PPM1H: variants seen among roughly 807,000 people sequenced by gnomAD.
The protein encoded by PPM1H is protein phosphatase 1H.
A neutral mutation model predicts 54.9 loss-of-function variants in PPM1H; 27 were observed. That is an observed-to-expected ratio of 0.49 (90% CI 0.36 to 0.68). PPM1H has a LOEUF of 0.68. Ranked by LOEUF, PPM1H falls within the 30% of genes least tolerant of loss-of-function variation. The pLI, the probability that PPM1H is intolerant of heterozygous loss-of-function variation, is 0.00. For synonymous variants in PPM1H, 305 were observed against 270.8 expected, an observed-to-expected ratio of 1.13 and a Z score of -1.24; for missense variants, 596 against 667.8, an observed-to-expected ratio of 0.89 and a Z score of 1.19.
In PPM1H at chr12:62,801,908, G is replaced by A. The variant is rs1372034741; in HGVS notation, c.664C>T (p.Pro222Ser). ...LRGGVGAPGSPSTPPTRFFTE... is the reference protein window; with the variant it reads ...LRGGVGAPGSSSTPPTRFFTE... ...AAGAAGCGTGTGGGGGGCGTGCTGG[G>A]GGAGCCCGGGGCCCCCACCCCTCCG... The change falls in exon 3 of 10, where the codon CCC becomes TCC. Residue 222 changes from proline (P) to serine (S), a missense_variant. This residue lies in a region of PPM1H where 382 missense variants were observed against 387.1 expected (regional missense o/e 0.99). Coordinates refer to ENST00000228705, the MANE Select transcript of PPM1H (RefSeq NM_020700.2). The A allele has an allele frequency of 1.2e-6, 2 of 1,613,580 alleles. No homozygotes were observed. Among genetic ancestry groups the A allele is most frequent in the Admixed American group, 3.3e-5 (2 of 59,988 alleles).
At chr12:62,671,729 C>A (rs2075957949) in intron 8 of PPM1H, among the ~76,000 whole-genome samples, 1 of 152,166 alleles carries the variant, frequency 6.6e-6, no homozygotes, top group Admixed American at 6.5e-5. Flanking sequence ...TCCCTTCTTG[C>A]ACCTCCCCAA....
intron 4 of PPM1H, among the ~76,000 whole-genome samples, chr12:62,782,776 T>C (rs1418827438): frequency 2.6e-5 from 4 of 152,142 alleles, no homozygotes; most frequent in African/African-American, 9.7e-5. Flanking sequence ...AATCAGAAAA[T>C]GCTTATATTA....
chr12:62,915,355 T>C (rs1288025040), intron 1 of PPM1H, among the ~76,000 whole-genome samples: 2 of 152,242 alleles, frequency 1.3e-5, no homozygotes, highest in African/African-American at 2.4e-5. Context: ...GGAGTTCTGC[T>C]GTCTGCTCCA....
intron 6 of PPM1H, among the ~76,000 whole-genome samples, chr12:62,697,487 C>T (rs1234181185): frequency 6.6e-6 from 1 of 152,156 alleles, no homozygotes; most frequent in Non-Finnish European, 1.5e-5. Flanking sequence ...AGAGAACAGA[C>T]TTTCCTCAAA....
At chr12:62,883,431 C>T (rs1031865935) in intron 1 of PPM1H, among the ~76,000 whole-genome samples, 1 of 152,128 alleles carries the variant, frequency 6.6e-6, no homozygotes, top group African/African-American at 2.4e-5. Flanking sequence ...TTTGAAGCTT[C>T]TCATGAAGTA....
At chr12:62,910,997 T>C (rs1871441828) in intron 1 of PPM1H, among the ~76,000 whole-genome samples, 1 of 152,134 alleles carries the variant, frequency 6.6e-6, no homozygotes, top group South Asian at 2.1e-4. Flanking sequence ...CTCCGCAAAC[T>C]GGGAACAAAA....
In PPM1H at chr12:62,802,125, C is replaced by T. The variant is rs1356443361; in HGVS notation, c.447G>A (p.Leu149=). ...SEGVSCHYWS[L]FDGHAGSGAA... ...CCCCGGACCCCGCGTGCCCGTCAAA[C>T]AGCGACCAATAGTGGCAGGAAACAC... The change falls in exon 3 of 10, where the codon CTG becomes CTA. Residue 149 remains leucine, a synonymous_variant. Transcript: ENST00000228705. 3.1e-6 allele frequency: 5 copies of T among 1,589,196 alleles called. No individual in the cohort carries two copies. The highest frequency in any genetic ancestry group is 3.4e-6 in the Non-Finnish European group (4 of 1,166,714).
At chr12:62,876,925 A>G (rs144743916) in intron 1 of PPM1H, among the ~76,000 whole-genome samples, 1 of 152,204 alleles carries the variant, frequency 6.6e-6, no homozygotes, top group Non-Finnish European at 1.5e-5. Flanking sequence ...ACACACCCAC[A>G]TTATGGCTTT....
chr12:62,801,682 T>G, intron 3 of PPM1H, 134 bp downstream of exon 3: 1 of 943,018 alleles, frequency 1.1e-6, no homozygotes, highest in Non-Finnish European at 1.6e-6. Flanking sequence ...GGAAGCCCCA[T>G]TATCACAGGG....
chr12:62,882,172 A>T (rs997014692), intron 1 of PPM1H, among the ~76,000 whole-genome samples: 2 of 152,378 alleles, frequency 1.3e-5, no homozygotes, highest in African/African-American at 4.8e-5. Context: ...AACTCTGTGT[A>T]TTGAAACTCT....
chr12:62,768,654 CA>C (rs11318247), intron 4 of PPM1H, among the ~76,000 whole-genome samples: 54,879 of 150,186 alleles, frequency 0.37, 11,370 homozygotes, highest in African/African-American at 0.56. Flanking sequence ...GACTCTGTCT[CA>C]AAAAAAAAGA....
At chr12:62,919,678 A>G (rs1280793974) in intron 1 of PPM1H, among the ~76,000 whole-genome samples, 1 of 152,152 alleles carries the variant, frequency 6.6e-6, no homozygotes, top group African/African-American at 2.4e-5. Flanking sequence ...GAAATAATAA[A>G]AGGGCTCATG....
In PPM1H at chr12:62,908,095, G is replaced by A. The variant is rs115568753; in HGVS notation, c.245+26397C>T. On this transcript the variant is annotated intron_variant, in intron 1 of 9. Transcript: ENST00000228705. Reference sequence around the variant, plus strand: ...TATTGACTTGTTTACAATCAAAATCGTGCATGCATGACAGGTCATTAGAAA... The same window carrying A: ...TATTGACTTGTTTACAATCAAAATCATGCATGCATGACAGGTCATTAGAAA... Among the ~76,000 whole-genome samples, 744 of 152,254 alleles carry A rather than the reference G, an allele frequency of 4.9e-3. 4 individuals carry two copies. Among genetic ancestry groups the A allele is most frequent in the African/African-American group, 0.017 (707 of 41,542 alleles).
intron 1 of PPM1H, among the ~76,000 whole-genome samples, chr12:62,895,150 C>T (rs751877781): frequency 4.6e-5 from 7 of 152,172 alleles, no homozygotes; most frequent in Non-Finnish European, 1.0e-4. Context: ...GCGGGGCATC[C>T]CCAGAGCAGT....
chr12:62,644,778 T>A lies in PPM1H; in HGVS notation c.*3711A>T, dbSNP rs2075775999. On this transcript the variant is annotated 3_prime_UTR_variant, in exon 10 of 10. Coordinates refer to ENST00000228705, the MANE Select transcript of PPM1H (RefSeq NM_020700.2). ...ATTGTTAAGTCTTCAAAAATCTGAGTTCCTCACATAAAATTCTGTGCTGTG... is the reference window on the plus strand; with the variant it reads ...ATTGTTAAGTCTTCAAAAATCTGAGATCCTCACATAAAATTCTGTGCTGTG... The A allele has an allele frequency of 6.6e-6, 1 of 152,210 alleles. No homozygotes were observed. The highest frequency in any genetic ancestry group is 6.5e-5 in the Admixed American group (1 of 15,282). 9.4% of individuals were successfully genotyped at this position (152,210 alleles called of 1,614,324 possible). A position where few individuals can be genotyped will look rare whatever the true frequency, so the allele number is the denominator to read the frequency against.
intron 2 of PPM1H, among the ~76,000 whole-genome samples, chr12:62,802,381 A>G (rs1286847371): frequency 2.0e-5 from 3 of 152,278 alleles, no homozygotes; most frequent in African/African-American, 7.2e-5. Flanking sequence ...TGTTGTTACT[A>G]GCACCAGAAG....
intron 4 of PPM1H, among the ~76,000 whole-genome samples, chr12:62,754,513 G>C (rs2076459279): frequency 6.6e-6 from 1 of 152,186 alleles, no homozygotes; most frequent in African/African-American, 2.4e-5. Flanking sequence ...GTTGCAGTGA[G>C]CCAAGATCAA....
intron 4 of PPM1H, chr12:62,756,190 AC>A: frequency 3.4e-6 from 3 of 870,456 alleles, no homozygotes; most frequent in Non-Finnish European, 5.7e-6. Context: ...GGCTACAGCA[AC>A]AGGGTGGTGG....
chr12:62,897,516 T>C (rs565955239), intron 1 of PPM1H, among the ~76,000 whole-genome samples: 1 of 152,208 alleles, frequency 6.6e-6, no homozygotes, highest in East Asian at 1.9e-4. Flanking sequence ...ATTAAGACAA[T>C]ACAATGTCTA....
Sources: allele counts gnomAD v4.1 joint callset (sites outside exome capture counted in the v4.1 genomes callset), GRCh38; gene constraint gnomAD v4.1.1; regional missense constraint gnomAD v4.1.1; transcripts MANE v1.5; gene names NCBI Gene and HGNC (gene_info 2026-07-23, HGNC 2026-07-21).